DMD: variants seen among roughly 807,000 people sequenced by gnomAD.
DMD encodes dystrophin.
DMD carries 63 observed loss-of-function variants against 330.1 expected under a neutral mutation model. The ratio of observed to expected loss-of-function variants is 0.19; its 90% CI spans 0.16 to 0.24. The LOEUF is 0.24. Ranked by LOEUF, DMD falls within the 10% of genes least tolerant of loss-of-function variation. DMD has a pLI of 1.00. For synonymous variants in DMD, 1,223 were observed against 959.8 expected, an observed-to-expected ratio of 1.27 and a Z score of -5.07; for missense variants, 3,344 against 2,684.1, an observed-to-expected ratio of 1.25 and a Z score of -5.43.
In DMD at chrX:33,176,907, G is replaced by A. The variant is rs149595011; in HGVS notation, c.31+34375C>T. Among the ~76,000 whole-genome samples, 1,100 of 111,441 alleles carry A rather than the reference G, an allele frequency of 9.9e-3. 13 individuals are homozygous for A. Among genetic ancestry groups the A allele is most frequent in the African/African-American group, 0.034 (1,030 of 30,634 alleles). On this transcript the variant is annotated intron_variant, in intron 1 of 78. Coordinates refer to ENST00000357033, the MANE Select transcript of DMD (RefSeq NM_004006.3). ...AGCCGAGATCATGCCATTGCACTGC[G>A]GCCTGGGCTACAAGAGCAAAACTGT...
intron 46 of DMD, among the ~76,000 whole-genome samples, chrX:31,930,789 G>A (rs375442449): frequency 1.6e-3 from 178 of 111,658 alleles, no homozygotes; most frequent in African/African-American, 5.4e-3. Flanking sequence ...AATATGTTTC[G>A]AATGAATTAT....
chrX:31,378,395 C>T (rs1449192551), intron 60 of DMD, among the ~76,000 whole-genome samples: 1 of 111,383 alleles, frequency 9.0e-6, no homozygotes, highest in African/African-American at 3.3e-5. Context: ...ATCTTGGCGC[C>T]CCACTTCAAT....
chrX:32,797,368 C>G (rs1405390822), intron 7 of DMD, among the ~76,000 whole-genome samples: 1 of 112,383 alleles, frequency 8.9e-6, no homozygotes, highest in African/African-American at 3.2e-5. Flanking sequence ...CAACTATCAG[C>G]AAAATATACA....
intron 41 of DMD, among the ~76,000 whole-genome samples, chrX:32,339,516 C>T (rs890844865): frequency 2.7e-5 from 3 of 111,478 alleles, no homozygotes; most frequent in Non-Finnish European, 5.6e-5. Flanking sequence ...CAGATACCCT[C>T]TACTATGCTT....
chrX:32,994,285 C>T (rs2093057380), intron 2 of DMD, among the ~76,000 whole-genome samples: 1 of 108,060 alleles, frequency 9.3e-6, no homozygotes, highest in African/African-American at 3.4e-5. Context: ...GATGATATGT[C>T]CTAAATCCCA....
Position 32,586,037 on chromosome X carries a change from G to A in DMD, c.1602+9720C>T, listed in dbSNP as rs368522188. ...GGCTTTGGATGTTCAAATTTCATTAGAATATTCAACATTTATTTATACTTG... is the reference window on the plus strand; with the variant it reads ...GGCTTTGGATGTTCAAATTTCATTAAAATATTCAACATTTATTTATACTTG... On this transcript the variant is annotated intron_variant, in intron 13 of 78. Transcript: ENST00000357033. Among the ~76,000 whole-genome samples the A allele has an allele frequency of 2.0e-4, 22 of 111,069 alleles. No individual in the cohort carries two copies. The East Asian group carries it at 2.5e-3, about 13-fold the overall frequency.
chrX:31,853,527 G>T (rs1370625325), intron 48 of DMD, among the ~76,000 whole-genome samples: 1 of 111,699 alleles, frequency 9.0e-6, no homozygotes, highest in African/African-American at 3.3e-5. Flanking sequence ...TAAGTTTCAG[G>T]TTTCAGTATC....
At chrX:32,441,395 T>G (rs2098281014) in intron 27 of DMD, 81 bp from the exon 28 acceptor site, 1 of 976,307 alleles carries the variant, frequency 1.0e-6, no homozygotes, top group Admixed American at 2.3e-5. Context: ...TTATTAAAAC[T>G]TCTGAAAATA....
At chrX:31,256,725 C>T (rs997510412) in intron 63 of DMD, among the ~76,000 whole-genome samples, 63 of 98,835 alleles carry the variant, frequency 6.4e-4, no homozygotes, top group Non-Finnish European at 1.2e-3. Flanking sequence ...TATAAATTAT[C>T]TACATATATG....
chrX:32,761,053 G>T (rs1353430035), intron 7 of DMD, among the ~76,000 whole-genome samples: 1 of 111,570 alleles, frequency 9.0e-6, no homozygotes, highest in Non-Finnish European at 1.9e-5. Flanking sequence ...TGATTGCAAT[G>T]CCTTTTTATT....
intron 44 of DMD, among the ~76,000 whole-genome samples, chrX:32,216,175 A>G (rs2097111696): frequency 8.9e-6 from 1 of 112,136 alleles, no homozygotes; most frequent in Non-Finnish European, 1.9e-5. Context: ...GAACAATTTG[A>G]GCTAAAAAAG....
chrX:32,533,586 G>C (rs1026080117), intron 17 of DMD, among the ~76,000 whole-genome samples: 5 of 112,225 alleles, frequency 4.5e-5, no homozygotes, highest in African/African-American at 1.6e-4. Context: ...CTTCATGACA[G>C]TTTATGCTGG....
At chrX:33,059,933 A>G (rs1284165590) in intron 1 of DMD, among the ~76,000 whole-genome samples, 1 of 112,122 alleles carries the variant, frequency 8.9e-6, no homozygotes, top group African/African-American at 3.2e-5. Flanking sequence ...TAGATTGAAG[A>G]CCAAGAATTT....
chrX:33,126,377 GCAGCAT>G (rs1453143220), intron 1 of DMD, among the ~76,000 whole-genome samples: 8 of 111,476 alleles, frequency 7.2e-5, no homozygotes, highest in African/African-American at 2.6e-4. Context: ...TAGTAATCTA[GCAGCAT>G]CAGCATCTCC....
intron 1 of DMD, among the ~76,000 whole-genome samples, chrX:33,318,491 A>G (rs112283400): frequency 2.9e-4 from 31 of 106,290 alleles, no homozygotes; most frequent in African/African-American, 1.0e-3. Context: ...TCTGTCACCC[A>G]GGGTGAAGTG....
intron 44 of DMD, among the ~76,000 whole-genome samples, chrX:32,085,691 C>CGT (rs1420341317): frequency 1.0e-5 from 1 of 96,849 alleles, no homozygotes; most frequent in Non-Finnish European, 2.0e-5. Context: ...TATATATATA[C>CGT]GTATATATAC....
intron 48 of DMD, among the ~76,000 whole-genome samples, chrX:31,843,300 C>A (rs746121595): frequency 4.5e-5 from 5 of 111,837 alleles, no homozygotes; most frequent in Admixed American, 2.8e-4. Flanking sequence ...AAACTGCTTT[C>A]CACAGTGGGT....
intron 44 of DMD, among the ~76,000 whole-genome samples, chrX:32,203,185 A>C (rs1024130737): frequency 8.9e-6 from 1 of 112,324 alleles, no homozygotes; most frequent in African/African-American, 3.2e-5. Flanking sequence ...GTTTCTATAA[A>C]ACTTTTAAAA....
At chrX:32,325,801 A>ATTTT (rs56390411) in intron 41 of DMD, among the ~76,000 whole-genome samples, 2 of 81,697 alleles carry the variant, frequency 2.4e-5, no homozygotes, top group Non-Finnish European at 2.4e-5. Context: ...TAAGTACTCA[A>ATTTT]TTTTTTTTTT....
Sources: gnomAD v4.1 joint callset for allele counts (sites outside exome capture counted in the v4.1 genomes callset) on GRCh38, gnomAD v4.1.1 for gene constraint, MANE v1.5 for transcripts, NCBI Gene and HGNC (gene_info 2026-07-23, HGNC 2026-07-21) for gene names.